The following STAG1 variants were observed in gnomAD, a reference collection of about 807,000 sequenced individuals.
The protein encoded by STAG1 is STAG1 cohesin complex component.
Under a neutral mutation model 170.9 loss-of-function variants are expected in STAG1, and 26 were observed. The ratio of observed to expected loss-of-function variants is 0.15; its 90% CI spans 0.11 to 0.21. The LOEUF (loss-of-function observed/expected upper bound fraction) is 0.21, where lower values mean the gene tolerates loss of function less well. Among genes scored for constraint, STAG1 ranks in the 10% least tolerant of loss-of-function variants. STAG1 has a pLI of 1.00. For missense variants in STAG1, 964 were observed against 1,509.5 expected (o/e 0.64, Z 5.99); for synonymous variants, 514 against 497.7 (o/e 1.03, Z -0.44).
At chr3:136,611,850 ATT>A (rs1300992085) in intron 3 of STAG1, among the ~76,000 whole-genome samples, 1 of 142,458 alleles carries the variant, frequency 7.0e-6, no homozygotes. Context: ...TATGTGTGGA[ATT>A]TTTTTTTTTT....
chr3:136,502,541 T>C (rs1933541297), intron 8 of STAG1, 87 bp downstream of exon 8: 2 of 1,403,616 alleles, frequency 1.4e-6, no homozygotes, highest in East Asian at 2.4e-5. Context: ...CACATAAACC[T>C]TTTTACAGGG....
chr3:136,367,630 C>T (rs1383758617), intron 24 of STAG1, among the ~76,000 whole-genome samples: 1 of 152,002 alleles, frequency 6.6e-6, no homozygotes, highest in Non-Finnish European at 1.5e-5. Flanking sequence ...GAGAACACTT[C>T]TGAAAAATTT....
chr3:136,443,434 G>T, intron 14 of STAG1, 30 bp from the exon 15 acceptor site: 1 of 1,431,594 alleles, frequency 7.0e-7, no homozygotes, highest in South Asian at 1.2e-5. Flanking sequence ...TGTGACCAAA[G>T]AATATTTAAT....
intron 1 of STAG1, among the ~76,000 whole-genome samples, chr3:136,713,735 T>C (rs1943447648): frequency 6.6e-6 from 1 of 151,410 alleles, no homozygotes; most frequent in African/African-American, 2.4e-5. Context: ...AAAAAATTTA[T>C]AACTTGGCTG....
chr3:136,623,789 T>C (rs1057437832), intron 2 of STAG1, among the ~76,000 whole-genome samples: 3 of 151,926 alleles, frequency 2.0e-5, no homozygotes, highest in East Asian at 1.9e-4. Context: ...ACCCCATCAG[T>C]ACTAAAAGTA....
chr3:136,435,663 C>T (rs749563899), intron 15 of STAG1, among the ~76,000 whole-genome samples: 5 of 151,852 alleles, frequency 3.3e-5, no homozygotes, highest in Non-Finnish European at 5.9e-5. Context: ...TATACTTTCC[C>T]GAATTCTTTT....
chr3:136,485,067 G>A (rs923433088), intron 9 of STAG1, among the ~76,000 whole-genome samples: 11 of 152,176 alleles, frequency 7.2e-5, no homozygotes, highest in African/African-American at 2.7e-4. Flanking sequence ...GCTGTAGACC[G>A]GAGCTGTTCC....
At chr3:136,401,419 C>CAT (rs1446857355) in intron 21 of STAG1, among the ~76,000 whole-genome samples, 1 of 152,188 alleles carries the variant, frequency 6.6e-6, no homozygotes, top group Non-Finnish European at 1.5e-5. Flanking sequence ...ACTTCTGGAT[C>CAT]ATACAGTATG....
At chr3:136,610,308 T>C (rs189196239) in intron 3 of STAG1, among the ~76,000 whole-genome samples, 2 of 152,228 alleles carry the variant, frequency 1.3e-5, no homozygotes, top group Non-Finnish European at 2.9e-5. Flanking sequence ...GTGCTGGGAT[T>C]ACAGGTGTAA....
chr3:136,366,544 T>C (rs1937080009), intron 25 of STAG1, among the ~76,000 whole-genome samples: 1 of 152,056 alleles, frequency 6.6e-6, no homozygotes, highest in Non-Finnish European at 1.5e-5. Context: ...CACAAGTAGA[T>C]CAAATGACAC....
At chr3:136,714,241 A>C (rs1943461381) in intron 1 of STAG1, among the ~76,000 whole-genome samples, 1 of 152,080 alleles carries the variant, frequency 6.6e-6, no homozygotes, top group African/African-American at 2.4e-5. Flanking sequence ...AAGCTCAAAA[A>C]CAGAACGTCA....
At chr3:136,688,762 T>C (rs1373877390) in intron 1 of STAG1, among the ~76,000 whole-genome samples, 1 of 152,210 alleles carries the variant, frequency 6.6e-6, no homozygotes, top group Non-Finnish European at 1.5e-5. Flanking sequence ...TTTTATCAAC[T>C]CTGACTAAAA....
chr3:136,528,674 G>A (rs929738486), intron 6 of STAG1, among the ~76,000 whole-genome samples: 5 of 152,042 alleles, frequency 3.3e-5, no homozygotes, highest in Admixed American at 2.0e-4. Flanking sequence ...ACCAAGTCAG[G>A]CGCAGGGGCT....
chr3:136,747,039 T>C (rs935113256), intron 1 of STAG1, among the ~76,000 whole-genome samples: 1 of 137,370 alleles, frequency 7.3e-6, no homozygotes, highest in African/African-American at 2.8e-5. Flanking sequence ...GAGGTTGCAG[T>C]GAGCCGAGAT....
intron 1 of STAG1, among the ~76,000 whole-genome samples, chr3:136,646,976 A>G (rs553058287): frequency 6.6e-6 from 1 of 152,332 alleles, no homozygotes; most frequent in East Asian, 1.9e-4. Flanking sequence ...TGTTCCCAAC[A>G]CAAAGAAATA....
chr3:136,341,329 G>A (rs561439337), intron 31 of STAG1, 112 bp downstream of exon 31: 4 of 699,718 alleles, frequency 5.7e-6, no homozygotes, highest in East Asian at 5.2e-5. Flanking sequence ...AGCATATCAC[G>A]AATTATAATT....
At chr3:136,496,052 G>A (rs543914440) in intron 9 of STAG1, among the ~76,000 whole-genome samples, 1 of 151,910 alleles carries the variant, frequency 6.6e-6, no homozygotes, top group Admixed American at 6.6e-5. Flanking sequence ...GCTGAGGCAG[G>A]AGAACCACTT....
At chr3:136,619,410 G>A (rs540287015) in intron 3 of STAG1, among the ~76,000 whole-genome samples, 5 of 151,358 alleles carry the variant, frequency 3.3e-5, no homozygotes, top group East Asian at 3.9e-4. Context: ...TTACGTTAGC[G>A]CAAGGGGAAA....
At chr3:136,548,407 C>A (rs1052126654) in intron 5 of STAG1, among the ~76,000 whole-genome samples, 1 of 152,140 alleles carries the variant, frequency 6.6e-6, no homozygotes, top group East Asian at 1.9e-4. Context: ...AGCCACTGAA[C>A]CCAGCTGATG....
Sources: allele counts gnomAD v4.1 joint callset (sites outside exome capture counted in the v4.1 genomes callset), GRCh38; gene constraint gnomAD v4.1.1; transcripts MANE v1.5; gene names NCBI Gene and HGNC (gene_info 2026-07-23, HGNC 2026-07-21).